ATF7IP2: variants seen among roughly 807,000 people sequenced by gnomAD.
ATF7IP2 encodes the protein activating transcription factor 7 interacting protein 2.
ATF7IP2 carries 42 observed loss-of-function variants against 64.2 expected under a neutral mutation model. The ratio of observed to expected loss-of-function variants is 0.65; its 90% CI spans 0.51 to 0.85. ATF7IP2 has a LOEUF of 0.85. Ranked by LOEUF, ATF7IP2 falls within the 40% of genes least tolerant of loss-of-function variation. The pLI is 0.00. For synonymous variants in ATF7IP2, 308 were observed against 272.8 expected, an observed-to-expected ratio of 1.13 and a Z score of -1.27; for missense variants, 933 against 784.2, an observed-to-expected ratio of 1.19 and a Z score of -2.27.
intron 6 of ATF7IP2, among the ~76,000 whole-genome samples, chr16:10,437,772 A>G (rs2048471334): frequency 6.6e-6 from 1 of 152,214 alleles, no homozygotes; most frequent in African/African-American, 2.4e-5. Flanking sequence ...TATGGATATT[A>G]AAAAATATAA....
At chr16:10,456,725 C>A (rs969226841) in intron 8 of ATF7IP2, among the ~76,000 whole-genome samples, 4 of 152,134 alleles carry the variant, frequency 2.6e-5, no homozygotes, top group African/African-American at 9.7e-5. Flanking sequence ...GAGCACCCAA[C>A]TGATAGTGCT....
chr16:10,480,443 C>G (rs903986132), intron 12 of ATF7IP2, among the ~76,000 whole-genome samples: 1 of 151,964 alleles, frequency 6.6e-6, no homozygotes, highest in African/African-American at 2.4e-5. Context: ...ATGCCTAATT[C>G]CTTCCAGAGG....
At position 10,431,820 on chromosome 16, in the gene ATF7IP2, C is replaced by CTTTTT. The variant is rs35046235; in HGVS notation, c.835+382_835+386dup. Among the ~76,000 whole-genome samples, 17 of 113,272 alleles carry CTTTTT rather than the reference C, an allele frequency of 1.5e-4. 1 individual carries two copies. Among genetic ancestry groups the CTTTTT allele is most frequent in the African/African-American group, 5.0e-4 (14 of 28,018 alleles). The allele number at this position is 113,272 out of a possible 152,430, so 74.3% of individuals were successfully genotyped here. On this transcript the variant is annotated intron_variant, in intron 5 of 13. Transcript: ENST00000562102. Reference sequence around the variant, plus strand: ...TTAAAAATTGTTGGTAACCCTATTTCTTTTTTTTTTTTTTTTTTTTTGAGA... The same window carrying CTTTTT: ...TTAAAAATTGTTGGTAACCCTATTTCTTTTTTTTTTTTTTTTTTTTTTTTTTGAGA...
chr16:10,454,720 C>G (rs935696659), intron 8 of ATF7IP2, among the ~76,000 whole-genome samples: 1 of 152,078 alleles, frequency 6.6e-6, no homozygotes, highest in Non-Finnish European at 1.5e-5. Flanking sequence ...TAAGCATCTT[C>G]TTAGTGGTTA....
chr16:10,454,029 T>C (rs2049082776), intron 8 of ATF7IP2: 1 of 152,068 alleles, frequency 6.6e-6, no homozygotes, highest in Non-Finnish European at 1.5e-5. Context: ...TTTTCCATCT[T>C]TTATCAGTTT....
intron 3 of ATF7IP2, among the ~76,000 whole-genome samples, chr16:10,422,320 C>T (rs756818817): frequency 6.6e-6 from 1 of 152,118 alleles, no homozygotes; most frequent in Non-Finnish European, 1.5e-5. Flanking sequence ...CCACTTGAAG[C>T]AGTTCCTTCA....
At chr16:10,412,837 A>G (rs949601467) in intron 1 of ATF7IP2, among the ~76,000 whole-genome samples, 1 of 151,140 alleles carries the variant, frequency 6.6e-6, no homozygotes, top group Non-Finnish European at 1.5e-5. Flanking sequence ...CAGTTTGGGA[A>G]CTCCAGTGTT....
intron 13 of ATF7IP2, 95 bp downstream of exon 13, chr16:10,481,059 G>C (rs1567183299): frequency 1.1e-6 from 1 of 893,024 alleles, no homozygotes; most frequent in Non-Finnish European, 1.8e-6. Flanking sequence ...TCACATTTCA[G>C]CTTAGACAAC....
intron 8 of ATF7IP2, among the ~76,000 whole-genome samples, chr16:10,444,852 G>C (rs1468558828): frequency 6.6e-6 from 1 of 152,032 alleles, no homozygotes; most frequent in Non-Finnish European, 1.5e-5. Context: ...TTCAAACCTG[G>C]GTACAATATT....
At chr16:10,446,978 T>C (rs1023684147) in intron 8 of ATF7IP2, 8 of 152,230 alleles carry the variant, frequency 5.3e-5, no homozygotes, top group Admixed American at 5.2e-4. Context: ...CTTCTCCTTT[T>C]GCTTCGTCTT....
intron 7 of ATF7IP2, among the ~76,000 whole-genome samples, chr16:10,438,676 G>GT (rs1479639601): frequency 6.6e-6 from 1 of 152,194 alleles, no homozygotes; most frequent in Non-Finnish European, 1.5e-5. Flanking sequence ...CATAGGCAAT[G>GT]TAATTTACTA....
At chr16:10,462,911 GCTTATTAATC>G (rs1219044205) in intron 9 of ATF7IP2, among the ~76,000 whole-genome samples, 1 of 152,126 alleles carries the variant, frequency 6.6e-6, no homozygotes, top group Non-Finnish European at 1.5e-5. Flanking sequence ...TTGTGTTCCA[GCTTATTAATC>G]CTTTCTTTTA....
At chr16:10,437,713 T>C (rs982538234) in intron 6 of ATF7IP2, among the ~76,000 whole-genome samples, 1 of 152,228 alleles carries the variant, frequency 6.6e-6, no homozygotes, top group East Asian at 1.9e-4. Context: ...CATCAGGTGC[T>C]GGTTTTCAGA....
chr16:10,440,430 C>A lies in ATF7IP2; in HGVS notation c.1162C>A (p.Pro388Thr). The A allele has an allele frequency of 1.3e-6, 2 of 1,562,102 alleles. No homozygotes were observed. The highest frequency in any genetic ancestry group is 1.7e-6 in the Non-Finnish European group (2 of 1,157,662). Reference protein sequence around the residue: ...VLLFQRNCLKPNMLSSNGASK... With the variant: ...VLLFQRNCLKTNMLSSNGASK... ...ATTATTTCAAAGGAATTGTTTGAAA[C>A]CAAACATGTTATCCAGTAATGGAGC... Residue 388 changes from proline (P) to threonine (T), a missense_variant, in exon 8 of 14, where the codon CCA becomes ACA. Coordinates refer to ENST00000562102, the MANE Select transcript of ATF7IP2 (RefSeq NM_001393719.1).
intron 1 of ATF7IP2, among the ~76,000 whole-genome samples, chr16:10,397,949 A>C (rs2047451004): frequency 6.6e-6 from 1 of 152,116 alleles, no homozygotes; most frequent in African/African-American, 2.4e-5. Flanking sequence ...ATATTCATGG[A>C]AATGTCAGTT....
intron 8 of ATF7IP2, among the ~76,000 whole-genome samples, chr16:10,452,312 C>T (rs767826541): frequency 2.0e-5 from 3 of 152,122 alleles, no homozygotes; most frequent in Non-Finnish European, 2.9e-5. Flanking sequence ...TCTGAGTGGA[C>T]GTCCTTTTTG....
At chr16:10,429,898 G>A (rs1391853434) in intron 4 of ATF7IP2, among the ~76,000 whole-genome samples, 1 of 147,960 alleles carries the variant, frequency 6.8e-6, no homozygotes, top group Non-Finnish European at 1.5e-5. Context: ...TGTTGCCCAA[G>A]CTGGAGTACA....
At chr16:10,439,521 A>G (rs62025942) in intron 7 of ATF7IP2, among the ~76,000 whole-genome samples, 104,376 of 140,728 alleles carry the variant, frequency 0.74, 38,507 homozygotes, top group East Asian at 0.87. Context: ...GGCGTGAGCC[A>G]CCGCCCCCAG....
chr16:10,430,905 C>T lies in ATF7IP2; in HGVS notation c.285C>T (p.Cys95=), dbSNP rs1236302347. 3.7e-6 allele frequency: 6 copies of T among 1,613,794 alleles called. No homozygotes were observed. The highest frequency in any genetic ancestry group is 1.1e-5 in the South Asian group (1 of 91,070). ...AAAGTAAAGTATTCTCTCAGAATTG[C>T]ATAAAACCAGTAGAAGAAATTGTTC... The part of the protein sequence containing the change: ...SEKSKVFSQN[C]IKPVEEIVHS... Residue 95 remains cysteine, a synonymous_variant, in exon 5 of 14, where the codon TGC becomes TGT. Transcript: ENST00000562102.
Sources: gnomAD v4.1 joint callset for allele counts (sites outside exome capture counted in the v4.1 genomes callset) on GRCh38, gnomAD v4.1.1 for gene constraint, MANE v1.5 for transcripts, NCBI Gene and HGNC (gene_info 2026-07-23, HGNC 2026-07-21) for gene names.